Variants in KMT2E observed in about 807,000 individuals in gnomAD.
The protein encoded by KMT2E is histone reader KMT2E.
Under a neutral mutation model 184.6 loss-of-function variants are expected in KMT2E, and 30 were observed. The observed-to-expected ratio is 0.16, with a 90% CI of 0.12 to 0.22. The LOEUF (loss-of-function observed/expected upper bound fraction) is 0.22. KMT2E is among the 10% of genes least tolerant of loss of function. The probability of loss-of-function intolerance (pLI) is 1.00; values close to 1 mark genes in which losing one functional copy is unlikely to be tolerated. For missense variants in KMT2E, 2,023 were observed against 2,237.4 expected (o/e 0.90, Z 1.93); for synonymous variants, 815 against 776.5 (o/e 1.05, Z -0.82).
intron 11 of KMT2E, 56 bp downstream of exon 11, chr7:105,077,489 G>C (rs1797579289): frequency 7.1e-7 from 1 of 1,412,454 alleles, no homozygotes; most frequent in African/African-American, 1.4e-5. Context: ...TGAACTTTTG[G>C]CTGTTTTACC....
At position 105,087,161 on chromosome 7, in the gene KMT2E, G is replaced by A. The variant is rs147320349; in HGVS notation, c.1359-2848G>A. Among the ~76,000 whole-genome samples the A allele has an allele frequency of 8.1e-3, 1,166 of 144,410 alleles. 17 individuals are homozygous for A. The highest frequency in any genetic ancestry group is 0.027 in the African/African-American group (1,079 of 39,346). 94.7% of individuals were successfully genotyped at this position (144,410 alleles called of 152,430 possible). A position where few individuals can be genotyped will look rare whatever the true frequency, so the allele number is the denominator to read the frequency against. On this transcript the variant is annotated intron_variant, in intron 13 of 26. Transcript: ENST00000311117. ...TTATATATGCTAGGTCATGCGGACT[G>A]GTATATAATAAAATATATATTAGCA...
At chr7:105,094,535 A>T (rs1461349762) in intron 15 of KMT2E, among the ~76,000 whole-genome samples, 1 of 152,184 alleles carries the variant, frequency 6.6e-6, no homozygotes, top group South Asian at 2.1e-4. Context: ...TTTGAGCACC[A>T]TGTTGGCCAT....
intron 22 of KMT2E, chr7:105,108,710 C>CTA (rs1051605146): frequency 4.0e-6 from 2 of 498,514 alleles, no homozygotes; most frequent in African/African-American, 3.9e-5. Context: ...GATAATATAC[C>CTA]TATTTCATAG....
chr7:105,076,111 T>C, intron 9 of KMT2E, 30 bp downstream of exon 9: 1 of 1,479,016 alleles, frequency 6.8e-7, no homozygotes, highest in Non-Finnish European at 9.4e-7. Flanking sequence ...GGTGTTGTTA[T>C]CAACTGTCAT....
In KMT2E at chr7:105,091,201, A is replaced by T; in HGVS notation, c.1624-15A>T. 1 of 1,209,408 alleles carries T rather than the reference A, an allele frequency of 8.3e-7. No individual in the cohort carries two copies. The highest frequency in any genetic ancestry group is 1.2e-6 in the Non-Finnish European group (1 of 817,028). 74.9% of individuals were successfully genotyped at this position (1,209,408 alleles called of 1,614,324 possible). Reference sequence around the variant, plus strand: ...GAATAATAGTTTGTATAAAGAAGTCATTTCCATTTTTCAGGAACCAGATTT... The same window carrying T: ...GAATAATAGTTTGTATAAAGAAGTCTTTTCCATTTTTCAGGAACCAGATTT... On this transcript the variant is annotated splice_polypyrimidine_tract_variant and intron_variant, in intron 14 of 26. Transcript: ENST00000311117.
intron 3 of KMT2E, among the ~76,000 whole-genome samples, chr7:105,060,329 A>G (rs1796763993): frequency 6.6e-6 from 1 of 152,098 alleles, no homozygotes; most frequent in South Asian, 2.1e-4. Flanking sequence ...AGTCAACACC[A>G]GACCACATAA....
chr7:105,026,005 G>T (rs1389428036), intron 1 of KMT2E, among the ~76,000 whole-genome samples: 1 of 152,172 alleles, frequency 6.6e-6, no homozygotes, highest in East Asian at 1.9e-4. Context: ...CAAGAAACCA[G>T]AATTCTAGTC....
chr7:105,077,481 AACTTTTGGCTGTTTT>A, intron 11 of KMT2E, 48 bp downstream of exon 11: 7 of 1,479,572 alleles, frequency 4.7e-6, no homozygotes, highest in Non-Finnish European at 6.5e-6. Context: ...GTAAATATTG[AACTTTTGGCTGTTTT>A]ACCTAGATGT....
chr7:105,060,384 C>T (rs993292503), intron 3 of KMT2E, among the ~76,000 whole-genome samples: 1 of 152,004 alleles, frequency 6.6e-6, no homozygotes, highest in Admixed American at 6.6e-5. Flanking sequence ...GCCGTCTACA[C>T]GTGTACCATT....
At chr7:105,075,089 G>C (rs1286062328) in intron 8 of KMT2E, among the ~76,000 whole-genome samples, 1 of 151,810 alleles carries the variant, frequency 6.6e-6, no homozygotes, top group African/African-American at 2.4e-5. Flanking sequence ...AGCCTTCATA[G>C]TTTTCTGTAC....
chr7:105,080,881 T>C (rs1020863315), intron 12 of KMT2E, among the ~76,000 whole-genome samples: 1 of 152,066 alleles, frequency 6.6e-6, no homozygotes, highest in African/African-American at 2.4e-5. Flanking sequence ...CACGCACCTG[T>C]AGTCCCAGCT....
chr7:105,110,470 T>C lies in KMT2E; in HGVS notation c.3845-7T>C, dbSNP rs761951835. The stretch of plus-strand genomic sequence containing the variant: ...TTCTCTTTGGGTCTGCTCTGCTTCA[T>C]CTCTAGGGGGAGAATCACCATGTGT... On this transcript the variant is annotated splice_region_variant and splice_polypyrimidine_tract_variant and intron_variant, in intron 24 of 26. Transcript: ENST00000311117. The C allele has an allele frequency of 6.2e-7, 1 of 1,614,168 alleles. No individual in the cohort carries two copies. The highest frequency in any genetic ancestry group is 1.1e-5 in the South Asian group (1 of 91,084).
rs201672288 is a variant in KMT2E, at chr7:105,113,053, C to T, written c.5297C>T (p.Thr1766Ile). The stretch of plus-strand genomic sequence containing the variant: ...GTACCACCGTATCCCTCACAAGCTA[C>T]ACATCATACCACTTTGGGACCGGGA... The part of the protein sequence containing the change: ...PTVPPYPSQA[T>I]HHTTLGPGPQ... The change falls in exon 27 of 27, where the codon ACA (threonine) becomes ATA (isoleucine). Residue 1766 changes from threonine (T) to isoleucine (I), a missense_variant. By Grantham distance (89) the Thr-to-Ile change is moderately conservative (BLOSUM62 -1). This residue lies in a region of KMT2E where 1,108 missense variants were observed against 1,050.9 expected (regional missense o/e 1.05). Coordinates refer to ENST00000311117, the MANE Select transcript of KMT2E (RefSeq NM_182931.3). The T allele has an allele frequency of 1.7e-4, 270 of 1,614,170 alleles. 1 individual carries two copies. Among genetic ancestry groups the T allele is most frequent in the Admixed American group, 7.0e-4 (42 of 60,018 alleles).
chr7:105,103,161 A>C (rs1798730909), intron 17 of KMT2E: 1 of 152,216 alleles, frequency 6.6e-6, no homozygotes, highest in African/African-American at 2.4e-5. Context: ...GGCTTAAAAG[A>C]AGTGAAACTA....
rs533408272 is a variant in KMT2E at position 105,068,195 on chromosome 7, T to C, written c.497+1388T>C. Among the ~76,000 whole-genome samples the C allele has an allele frequency of 4.8e-4, 73 of 152,330 alleles. No homozygotes were observed. In the South Asian group the frequency reaches 0.015, roughly 31 times the overall value. On this transcript the variant is annotated intron_variant, in intron 6 of 26. Coordinates refer to ENST00000311117, the MANE Select transcript of KMT2E (RefSeq NM_182931.3). ...TTGTATTCCCATGATTTCACAAGTT[T>C]CCCTGTTCTATTTCTGTAAGAAGGT...
At chr7:105,049,883 C>G (rs1310112662) in intron 3 of KMT2E, among the ~76,000 whole-genome samples, 1 of 152,062 alleles carries the variant, frequency 6.6e-6, no homozygotes, top group African/African-American at 2.4e-5. Flanking sequence ...AAGAGCAAAA[C>G]TCCGTCTCAA....
At chr7:105,108,830 T>C (rs1210449629) in intron 22 of KMT2E, 112 bp from the exon 23 acceptor site, 1 of 867,000 alleles carries the variant, frequency 1.2e-6, no homozygotes, top group Non-Finnish European at 1.7e-6. Flanking sequence ...TCAATTAAAA[T>C]AATTTTCCTA....
chr7:105,074,541 A>T, intron 7 of KMT2E, 102 bp from the exon 8 acceptor site: 1 of 827,230 alleles, frequency 1.2e-6, no homozygotes, highest in Non-Finnish European at 1.8e-6. Flanking sequence ...GTGCTTATTT[A>T]GAAAGATGGA....
chr7:105,030,143 G>A (rs182119325), intron 1 of KMT2E, among the ~76,000 whole-genome samples: 16 of 152,216 alleles, frequency 1.1e-4, no homozygotes, highest in Non-Finnish European at 2.2e-4. Context: ...AATGTAAGTA[G>A]TGCATTCTTT....
Sources: gnomAD v4.1 joint callset for allele counts (sites outside exome capture counted in the v4.1 genomes callset) on GRCh38, gnomAD v4.1.1 for gene constraint, gnomAD v4.1.1 regional missense constraint, MANE v1.5 for transcripts, NCBI Gene and HGNC (gene_info 2026-07-23, HGNC 2026-07-21) for gene names.